The following PDCD6IP variants were observed in gnomAD, a reference collection of about 807,000 sequenced individuals.
PDCD6IP encodes programmed cell death 6 interacting protein.
In PDCD6IP, 43 loss-of-function variants were observed where a neutral mutation model predicts 103.7. That is an observed-to-expected ratio of 0.41 (90% CI 0.32 to 0.53). The LOEUF is 0.53. Among genes scored for constraint, PDCD6IP ranks in the 20% least tolerant of loss-of-function variants. PDCD6IP has a pLI of 0.16. For synonymous variants in PDCD6IP, 354 were observed against 378.7 expected, an observed-to-expected ratio of 0.93 and a Z score of 0.76; for missense variants, 871 against 1,036.7, an observed-to-expected ratio of 0.84 and a Z score of 2.20.
At chr3:33,809,568 A>G (rs747818778) in intron 1 of PDCD6IP, among the ~76,000 whole-genome samples, 4 of 152,238 alleles carry the variant, frequency 2.6e-5, no homozygotes, top group Non-Finnish European at 4.4e-5. Flanking sequence ...TTATTTCCTG[A>G]GTACAAAGAT....
In PDCD6IP at chr3:33,868,418, C is replaced by G. The variant is rs954167517; in HGVS notation, c.*1893C>G. 6.6e-6 allele frequency: 1 copy of G among 152,542 alleles called. No individual in the cohort carries two copies. The highest frequency in any genetic ancestry group is 2.4e-5 in the African/African-American group (1 of 41,462). The allele number at this position is 152,542 out of a possible 1,614,324, so 9.4% of individuals were successfully genotyped here. A position where few individuals can be genotyped will look rare whatever the true frequency, so the allele number is the denominator to read the frequency against. On this transcript the variant is annotated 3_prime_UTR_variant, in exon 18 of 18. Transcript: ENST00000307296. ...TAAGCCTTTTAGCCCATTCCCCATG[C>G]TGGGCCTGCTCACAGAGCCACAGGA... is the stretch of plus-strand genomic sequence containing the variant.
intron 4 of PDCD6IP, among the ~76,000 whole-genome samples, chr3:33,822,584 G>A (rs1172021398): frequency 1.3e-5 from 2 of 152,162 alleles, no homozygotes; most frequent in African/African-American, 2.4e-5. Flanking sequence ...ATGTTCATAA[G>A]TTGCCTAATC....
chr3:33,799,362 G>A (rs1405060571), intron 1 of PDCD6IP: 5 of 161,360 alleles, frequency 3.1e-5, no homozygotes, highest in Admixed American at 6.3e-5. Context: ...AAGGCAGTGG[G>A]GGAAGTGGGG....
rs1448903526 is a variant in PDCD6IP at position 33,868,923 on chromosome 3, C to G, written c.*2398C>G. Reference sequence around the variant, plus strand: ...TTGATCTAAGAGAACTCTCCCTGTGCCCCTTGGTCTTTATTCTCAATTAAG... The same window carrying G: ...TTGATCTAAGAGAACTCTCCCTGTGGCCCTTGGTCTTTATTCTCAATTAAG... On this transcript the variant is annotated 3_prime_UTR_variant, in exon 18 of 18. Coordinates refer to ENST00000307296, the MANE Select transcript of PDCD6IP (RefSeq NM_013374.6). The G allele has an allele frequency of 6.6e-6, 1 of 152,172 alleles. No individual in the cohort carries two copies. The highest frequency in any genetic ancestry group is 6.5e-5 in the Admixed American group (1 of 15,272). 9.4% of individuals were successfully genotyped at this position (152,172 alleles called of 1,614,324 possible).
At chr3:33,803,740 T>C (rs1352331503) in intron 1 of PDCD6IP, among the ~76,000 whole-genome samples, 3 of 152,202 alleles carry the variant, frequency 2.0e-5, no homozygotes, top group Admixed American at 2.0e-4. Context: ...GAGCCACCTT[T>C]TCTTTGTTTA....
intron 10 of PDCD6IP, among the ~76,000 whole-genome samples, chr3:33,843,250 T>C (rs1031142677): frequency 8.5e-5 from 13 of 152,200 alleles, no homozygotes; most frequent in Non-Finnish European, 1.6e-4. Context: ...ATCACCTGTT[T>C]GGAAGTATAC....
At chr3:33,850,713 G>A (rs532792395) in intron 12 of PDCD6IP, among the ~76,000 whole-genome samples, 10 of 151,774 alleles carry the variant, frequency 6.6e-5, no homozygotes, top group South Asian at 4.2e-4. Context: ...TATTCACATC[G>A]TCTGATATCA....
chr3:33,848,940 G>A (rs1697656666), intron 12 of PDCD6IP, among the ~76,000 whole-genome samples: 2 of 152,026 alleles, frequency 1.3e-5, no homozygotes. Flanking sequence ...TAATATGTGG[G>A]CATTATATAA....
intron 3 of PDCD6IP, among the ~76,000 whole-genome samples, chr3:33,821,643 A>G (rs992512093): frequency 1.3e-5 from 2 of 152,228 alleles, no homozygotes; most frequent in African/African-American, 2.4e-5. Context: ...AATTTAAGAA[A>G]CTGAGAGAAA....
rs370791567 is a variant in PDCD6IP at position 33,834,631 on chromosome 3, A to C, written c.835-1413A>C. Among the ~76,000 whole-genome samples the C allele has an allele frequency of 4.6e-5, 7 of 152,308 alleles. No individual in the cohort carries two copies. In the East Asian group the frequency reaches 1.2e-3, roughly 25 times the overall value. ...AAATCAAGAATATTGAATTTTATCA[A>C]ATACTTTTTCAACATCTATGGAGAA... On this transcript the variant is annotated intron_variant, in intron 7 of 17. Coordinates refer to ENST00000307296, the MANE Select transcript of PDCD6IP (RefSeq NM_013374.6).
chr3:33,822,070 T>C lies in PDCD6IP; in HGVS notation c.450T>C (p.Ala150=), dbSNP rs750394621. 5 of 1,614,110 alleles carry C rather than the reference T, an allele frequency of 3.1e-6. No homozygotes were observed. The highest frequency in any genetic ancestry group is 4.2e-6 in the Non-Finnish European group (5 of 1,179,976). ...ATGATGAAGGATTGAAAATCGCTGC[T>C]AAACATTACCAGGTATGCTGAAAAG... ...LDNDEGLKIA[A]KHYQFASGAF... is the part of the protein sequence containing the mutation. Residue 150 remains alanine (A), a synonymous_variant, in exon 4 of 18, where the codon GCT becomes GCC. Transcript: ENST00000307296.
chr3:33,823,635 A>G (rs2125555059), intron 4 of PDCD6IP, among the ~76,000 whole-genome samples: 1 of 152,148 alleles, frequency 6.6e-6, no homozygotes, highest in South Asian at 2.1e-4. Context: ...TAGAAAAATT[A>G]GCTGGGTGTG....
chr3:33,826,912 T>C (rs1697139751), intron 6 of PDCD6IP: 1 of 1,051,674 alleles, frequency 9.5e-7, no homozygotes. Flanking sequence ...GGTACAAGCA[T>C]GTATACTTGA....
At chr3:33,818,863 T>G (rs1414342529) in intron 3 of PDCD6IP, among the ~76,000 whole-genome samples, 1 of 152,112 alleles carries the variant, frequency 6.6e-6, no homozygotes, top group Non-Finnish European at 1.5e-5. Context: ...AAAGTCTGAT[T>G]TTTGTTATTT....
At chr3:33,802,324 A>G (rs1242904913) in intron 1 of PDCD6IP, among the ~76,000 whole-genome samples, 1 of 152,070 alleles carries the variant, frequency 6.6e-6, no homozygotes, top group Non-Finnish European at 1.5e-5. Flanking sequence ...TAGGAAAAGG[A>G]ATTTTCATTA....
At chr3:33,854,508 A>G (rs781127626) in intron 14 of PDCD6IP, 2 of 152,274 alleles carry the variant, frequency 1.3e-5, no homozygotes, top group Admixed American at 6.5e-5. Flanking sequence ...GAATTCGCTT[A>G]TATTTCTTTT....
chr3:33,851,421 G>A (rs1697710609), intron 12 of PDCD6IP, among the ~76,000 whole-genome samples: 1 of 152,054 alleles, frequency 6.6e-6, no homozygotes, highest in South Asian at 2.1e-4. Flanking sequence ...AATCAGGTGG[G>A]TATAGGTCAG....
At chr3:33,827,077 AT>A (rs1697143298) in intron 6 of PDCD6IP, 1 of 985,426 alleles carries the variant, frequency 1.0e-6, no homozygotes, top group Middle Eastern at 5.2e-4. Context: ...GGGATAAAAA[AT>A]TGGGCTGCTA....
At position 33,852,621 on chromosome 3, in the gene PDCD6IP, G is replaced by A. The variant is rs1697742309; in HGVS notation, c.1775G>A (p.Gly592Asp). 6.2e-7 allele frequency: 1 copy of A among 1,604,520 alleles called. No homozygotes were observed. The highest frequency in any genetic ancestry group is 1.3e-5 in the African/African-American group (1 of 74,230). ...SKFLTALAQD[G>D]VINEEALSVT... The stretch of plus-strand genomic sequence containing the variant: ...TTTTTGACAGCCCTGGCTCAAGATG[G>A]TGTGATAAATGAAGAAGCTCTTTCT... Residue 592 changes from glycine (G) to aspartate (D), a missense_variant, in exon 13 of 18, where the codon GGT becomes GAT. Gly to Asp is a moderately conservative substitution (Grantham distance 94, BLOSUM62 -1). Transcript: ENST00000307296.
Sources: allele counts gnomAD v4.1 joint callset (sites outside exome capture counted in the v4.1 genomes callset), GRCh38; gene constraint gnomAD v4.1.1; transcripts MANE v1.5; gene names NCBI Gene and HGNC (gene_info 2026-07-23, HGNC 2026-07-21).